DPP6: variants seen among roughly 807,000 people sequenced by gnomAD.
The protein encoded by DPP6 is A-type potassium channel modulatory protein DPP6.
Under a neutral mutation model 122.6 loss-of-function variants are expected in DPP6, and 69 were observed. That is an observed-to-expected ratio of 0.56 (90% CI 0.46 to 0.69). DPP6 has a LOEUF of 0.69. Among genes scored for constraint, DPP6 ranks in the 30% least tolerant of loss-of-function variants. DPP6 has a pLI of 0.00. For synonymous variants in DPP6, 418 were observed against 433.1 expected (o/e 0.97, Z 0.43); for missense variants, 928 against 1,116.9 (o/e 0.83, Z 2.41).
intron 16 of DPP6, among the ~76,000 whole-genome samples, chr7:154,824,175 G>A (rs1298530358): frequency 6.6e-6 from 1 of 152,140 alleles, no homozygotes; most frequent in Non-Finnish European, 1.5e-5. Flanking sequence ...ACACATTTTG[G>A]TCAACAGTAA....
chr7:154,437,591 C>G lies in DPP6; in HGVS notation c.244-8623C>G, dbSNP rs531937883. On this transcript the variant is annotated intron_variant, in intron 1 of 25. Transcript: ENST00000377770. The stretch of plus-strand genomic sequence containing the variant: ...CTCTACCTGCTAGTAGAATCACCAG[C>G]CTTTTCAAAGAAAATGTATACATCA... Among the ~76,000 whole-genome samples the G allele has an allele frequency of 2.6e-5, 4 of 152,254 alleles. No homozygotes were observed. The East Asian group carries it at 5.8e-4, about 22-fold the overall frequency.
intron 1 of DPP6, among the ~76,000 whole-genome samples, chr7:154,373,384 C>T (rs2151124963): frequency 1.3e-5 from 2 of 152,238 alleles, no homozygotes; most frequent in Middle Eastern, 3.4e-3. Flanking sequence ...TAAGGAGAGG[C>T]CATGGTGTTT....
rs1268323412 is a variant in DPP6, at chr7:154,219,642, A to G, written c.243+166579A>G. Among the ~76,000 whole-genome samples the G allele has an allele frequency of 2.0e-5, 3 of 151,722 alleles. No individual in the cohort carries two copies. In the East Asian group the frequency reaches 5.9e-4, roughly 30 times the overall value. On this transcript the variant is annotated intron_variant, in intron 1 of 25. Transcript: ENST00000377770. ...CGTTCTGTTGCCCAGGCTGGTGTGC[A>G]GTGGCATGATCTTGGCTCCTGCAAC...
intron 1 of DPP6, among the ~76,000 whole-genome samples, chr7:154,230,828 A>C (rs1800878337): frequency 6.6e-6 from 1 of 152,246 alleles, no homozygotes; most frequent in South Asian, 2.1e-4. Context: ...TCTAACCTAT[A>C]GACTACTGTG....
intron 1 of DPP6, among the ~76,000 whole-genome samples, chr7:154,442,414 C>A (rs1819459757): frequency 6.6e-6 from 1 of 152,116 alleles, no homozygotes; most frequent in African/African-American, 2.4e-5. Context: ...TGAAACCAGG[C>A]AAGACTTCCT....
intron 6 of DPP6, 131 bp downstream of exon 6, chr7:154,638,004 C>T (rs1344896520): frequency 1.0e-5 from 10 of 984,836 alleles, no homozygotes; most frequent in Non-Finnish European, 1.5e-5. Flanking sequence ...GTGCTGGTAT[C>T]GTGGCACCTC....
intron 1 of DPP6, among the ~76,000 whole-genome samples, chr7:154,317,589 T>C (rs1422526635): frequency 4.6e-5 from 7 of 152,228 alleles, no homozygotes; most frequent in Admixed American, 3.3e-4. Flanking sequence ...AGCTAGTGTA[T>C]ATAATTGCAT....
chr7:154,510,694 C>CAA lies in DPP6; in HGVS notation c.458-29825_458-29824dup, dbSNP rs67365097. 7.4e-3 allele frequency among the ~76,000 whole-genome samples: 999 copies of CAA among 134,106 alleles called. 5 individuals are homozygous for CAA. The highest frequency in any genetic ancestry group is 0.023 in the Middle Eastern group (6 of 260). 88.0% of individuals were successfully genotyped at this position (134,106 alleles called of 152,430 possible). On this transcript the variant is annotated intron_variant, in intron 3 of 25. Transcript: ENST00000377770. The stretch of plus-strand genomic sequence containing the variant: ...AGCCCAGGTGACAGCCCAGGTGTCT[C>CAA]AAAAAAAAAAAAAATAGTGTAAAGG...
At chr7:153,859,179 C>T in the DPP6 span, among the ~76,000 whole-genome samples, 50 of 152,214 alleles carry the variant, frequency 3.3e-4, no homozygotes, top group Admixed American at 2.1e-3. Flanking sequence ...GCCTGGGGCC[C>T]GTCTGGTGAT....
intron 3 of DPP6, among the ~76,000 whole-genome samples, chr7:154,503,391 T>C (rs1218954484): frequency 6.6e-6 from 1 of 152,168 alleles, no homozygotes; most frequent in Non-Finnish European, 1.5e-5. Context: ...ACCCAATTGA[T>C]TGCTGCCTCT....
intron 1 of DPP6, among the ~76,000 whole-genome samples, chr7:154,320,816 G>A (rs1361290480): frequency 1.3e-5 from 2 of 152,004 alleles, no homozygotes; most frequent in Non-Finnish European, 2.9e-5. Context: ...ACTTATATTG[G>A]CAAATGTAGT....
intron 1 of DPP6, among the ~76,000 whole-genome samples, chr7:154,298,268 C>CTCCACACACACACACACACACACA (rs1805671485): frequency 1.3e-5 from 2 of 150,338 alleles, no homozygotes; most frequent in Non-Finnish European, 3.0e-5. Flanking sequence ...CTCTCTCTCT[C>CTCCACACACACACACACACACACA]CACACACACA....
intron 2 of DPP6, among the ~76,000 whole-genome samples, chr7:154,467,720 C>T (rs1280408446): frequency 6.6e-6 from 1 of 152,198 alleles, no homozygotes; most frequent in Admixed American, 6.5e-5. Flanking sequence ...GGCAATGTTT[C>T]TACAGATATA....
chr7:154,734,936 C>T (rs560535554), intron 8 of DPP6, among the ~76,000 whole-genome samples: 57 of 152,292 alleles, frequency 3.7e-4, no homozygotes, highest in Admixed American at 2.5e-3. Context: ...GTAACGTCTA[C>T]GTATTGGTGG....
At chr7:154,201,280 A>G (rs748387236) in intron 1 of DPP6, among the ~76,000 whole-genome samples, 1 of 152,110 alleles carries the variant, frequency 6.6e-6, no homozygotes, top group Non-Finnish European at 1.5e-5. Context: ...GGCACCTGCC[A>G]CCATGCCCAG....
At chr7:154,434,310 C>T (rs1408737391) in intron 1 of DPP6, among the ~76,000 whole-genome samples, 4 of 152,116 alleles carry the variant, frequency 2.6e-5, no homozygotes, top group African/African-American at 4.8e-5. Flanking sequence ...ACCCTAAGCC[C>T]GTATTTTCTC....
At chr7:154,642,677 G>A (rs1275463318) in intron 6 of DPP6, among the ~76,000 whole-genome samples, 4 of 151,976 alleles carry the variant, frequency 2.6e-5, no homozygotes, top group Admixed American at 6.6e-5. Flanking sequence ...GGTGGCTCAC[G>A]CCTGTAATCC....
At chr7:154,331,684 G>A (rs1436399698) in intron 1 of DPP6, among the ~76,000 whole-genome samples, 1 of 152,178 alleles carries the variant, frequency 6.6e-6, no homozygotes. Flanking sequence ...GTGCTGTGCT[G>A]TGCCTGTGTG....
chr7:154,237,153 C>A (rs890385027), intron 1 of DPP6, among the ~76,000 whole-genome samples: 2 of 152,220 alleles, frequency 1.3e-5, no homozygotes, highest in Non-Finnish European at 2.9e-5. Context: ...TTTCCAACAG[C>A]AGCCAGAGGA....
Sources: gnomAD v4.1 joint callset for allele counts (sites outside exome capture counted in the v4.1 genomes callset) on GRCh38, gnomAD v4.1.1 for gene constraint, MANE v1.5 for transcripts, NCBI Gene and HGNC (gene_info 2026-07-23, HGNC 2026-07-21) for gene names.